Variants in LNPK observed in about 807,000 individuals in gnomAD.
The protein encoded by LNPK is endoplasmic reticulum junction formation protein lunapark.
LNPK carries 29 observed loss-of-function variants against 55.2 expected under a neutral mutation model. The observed-to-expected ratio is 0.53, with a 90% CI of 0.39 to 0.72. The LOEUF is 0.72. LNPK is among the 30% of genes least tolerant of loss of function. The pLI is 0.00. For synonymous variants in LNPK, 162 were observed against 168.2 expected, an observed-to-expected ratio of 0.96 and a Z score of 0.29; for missense variants, 467 against 494.8, an observed-to-expected ratio of 0.94 and a Z score of 0.53.
At position 175,928,321 on chromosome 2, in the gene LNPK, T is replaced by C. The variant is rs1684099238; in HGVS notation, c.*1646A>G. The C allele has an allele frequency of 6.6e-6, 1 of 152,094 alleles. No homozygotes were observed. The highest frequency in any genetic ancestry group is 2.1e-4 in the South Asian group (1 of 4,832). The allele number at this position is 152,094 out of a possible 1,614,324, so 9.4% of individuals were successfully genotyped here. ...GTAGTGTGCTAGGCACATTACATTA[T>C]TTTTAATTATCCTAATACCCTTCAA... On this transcript the variant is annotated 3_prime_UTR_variant, in exon 13 of 13. Coordinates refer to ENST00000272748, the MANE Select transcript of LNPK (RefSeq NM_030650.3).
chr2:175,995,033 T>C (rs1041766694), intron 2 of LNPK, among the ~76,000 whole-genome samples: 12 of 151,130 alleles, frequency 7.9e-5, no homozygotes, highest in Admixed American at 7.9e-4. Flanking sequence ...GCCATTCTCC[T>C]GTCTCAGCCT....
intron 5 of LNPK, among the ~76,000 whole-genome samples, chr2:175,972,420 T>A (rs1330720153): frequency 6.6e-6 from 1 of 152,108 alleles, no homozygotes. Context: ...CAAGGACCAT[T>A]TCCTTTGAGT....
chr2:175,946,963 T>C (rs551191254), intron 9 of LNPK, among the ~76,000 whole-genome samples: 245 of 152,010 alleles, frequency 1.6e-3, no homozygotes, highest in African/African-American at 5.5e-3. Context: ...GTTCATTTAA[T>C]AGAGCTTTAT....
intron 11 of LNPK, 39 bp from the exon 12 acceptor site, chr2:175,937,553 C>T: frequency 6.6e-7 from 1 of 1,508,678 alleles, no homozygotes; most frequent in Non-Finnish European, 9.1e-7. Context: ...AACCACAAAC[C>T]AAGCAAAGTT....
intron 9 of LNPK, 71 bp from the exon 10 acceptor site, chr2:175,939,728 G>A: frequency 1.4e-6 from 1 of 701,842 alleles, no homozygotes; most frequent in Non-Finnish European, 2.4e-6. Flanking sequence ...CCATTACCAA[G>A]AACTACCTAT....
chr2:175,988,020 C>T (rs1687508420), intron 4 of LNPK, among the ~76,000 whole-genome samples: 1 of 152,188 alleles, frequency 6.6e-6, no homozygotes, highest in Admixed American at 6.5e-5. Flanking sequence ...ACTAAACCTT[C>T]CTTACTTTGG....
chr2:175,971,659 A>G (rs75106428), intron 5 of LNPK, among the ~76,000 whole-genome samples: 3,286 of 152,320 alleles, frequency 0.022, 48 homozygotes, highest in Middle Eastern at 0.065. Flanking sequence ...TTATGTAAAA[A>G]TTCAAGGAAA....
intron 8 of LNPK, among the ~76,000 whole-genome samples, chr2:175,959,175 T>C (rs1685871479): frequency 6.6e-6 from 1 of 152,120 alleles, no homozygotes; most frequent in South Asian, 2.1e-4. Flanking sequence ...TTTCCCAACC[T>C]AGCAAGGTAG....
chr2:175,980,357 G>T (rs1177827460), intron 4 of LNPK, among the ~76,000 whole-genome samples: 1 of 152,130 alleles, frequency 6.6e-6, no homozygotes, highest in Admixed American at 6.5e-5. Context: ...TACTCTAAGA[G>T]ATTAAGCTAC....
At chr2:175,984,622 T>A (rs1687324165) in intron 4 of LNPK, among the ~76,000 whole-genome samples, 1 of 152,118 alleles carries the variant, frequency 6.6e-6, no homozygotes, top group South Asian at 2.1e-4. Context: ...TGAAACATCC[T>A]CAGCCATTAG....
Position 175,929,860 on chromosome 2 carries a change from C to T in LNPK, c.*107G>A, listed in dbSNP as rs978998534. The T allele has an allele frequency of 2.7e-6, 4 of 1,502,694 alleles. No homozygotes were observed. Among genetic ancestry groups the T allele is most frequent in the Non-Finnish European group, 3.5e-6 (4 of 1,126,870 alleles). 93.1% of individuals were successfully genotyped at this position (1,502,694 alleles called of 1,614,324 possible). ...CTAGGCAATCTGAATTCAAATGATA[C>T]ACAAGCATACCCTTAGAGGGGCAAA... On this transcript the variant is annotated 3_prime_UTR_variant, in exon 13 of 13. Coordinates refer to ENST00000272748, the MANE Select transcript of LNPK (RefSeq NM_030650.3).
rs1269207653 is a variant in LNPK, at chr2:175,947,686, C to T, written c.500G>A (p.Arg167His). Residue 167 changes from arginine (R) to histidine (H), a missense_variant, in exon 9 of 13, where the codon CGT (arginine) becomes CAT (histidine). Transcript: ENST00000272748. ...AVTARPGQEIRQRTAAQRNLS... is the reference protein window; with the variant it reads ...AVTARPGQEIHQRTAAQRNLS... ...GTTTCTTTGAGCTGCAGTTCGCTGA[C>T]GAATCTCTGAGAAGAGTAAGTACAT... 22 of 1,609,964 alleles carry T rather than the reference C, an allele frequency of 1.4e-5. No homozygotes were observed. Among genetic ancestry groups the T allele is most frequent in the South Asian group, 9.9e-5 (9 of 90,574 alleles).
chr2:175,954,674 A>G (rs2105589497), intron 8 of LNPK, among the ~76,000 whole-genome samples: 1 of 152,316 alleles, frequency 6.6e-6, no homozygotes, highest in African/African-American at 2.4e-5. Flanking sequence ...CCTAACTTCT[A>G]GCAATCTCAA....
chr2:175,962,738 A>C (rs1242387225), intron 8 of LNPK, among the ~76,000 whole-genome samples: 1 of 152,228 alleles, frequency 6.6e-6, no homozygotes, highest in Non-Finnish European at 1.5e-5. Context: ...TCTGCACAGC[A>C]GAAGAAACTA....
At chr2:175,954,686 A>G (rs1685603326) in intron 8 of LNPK, among the ~76,000 whole-genome samples, 1 of 152,224 alleles carries the variant, frequency 6.6e-6, no homozygotes, top group Non-Finnish European at 1.5e-5. Flanking sequence ...CAATCTCAAC[A>G]TTAAACAACA....
intron 8 of LNPK, among the ~76,000 whole-genome samples, chr2:175,960,549 C>T (rs554665526): frequency 6.6e-5 from 10 of 152,184 alleles, no homozygotes; most frequent in Non-Finnish European, 1.5e-4. Context: ...CTCTGGGACA[C>T]ATTTAAAGCA....
Position 175,939,539 on chromosome 2 carries a change from T to C in LNPK, c.812+13A>G. 7.5e-7 allele frequency: 1 copy of C among 1,342,222 alleles called. No individual in the cohort carries two copies. Among genetic ancestry groups the C allele is most frequent in the Non-Finnish European group, 1.1e-6 (1 of 935,510 alleles). The allele number at this position is 1,342,222 out of a possible 1,614,324, so 83.1% of individuals were successfully genotyped here. ...TTTCATTTTCATTTATCTACCACCT[T>C]AGTAAATATTACCTGTTTTGTGGAC... On this transcript the variant is annotated intron_variant, in intron 10 of 12. Coordinates refer to ENST00000272748, the MANE Select transcript of LNPK (RefSeq NM_030650.3).
intron 9 of LNPK, chr2:175,940,919 A>T (rs1684805385): frequency 2.2e-6 from 1 of 450,798 alleles, no homozygotes; most frequent in Non-Finnish European, 4.4e-6. Context: ...GCACACAAAA[A>T]AACTGGTGAA....
rs140369309 is a variant in LNPK at position 175,965,982 on chromosome 2, G to A, written c.358-1393C>T. On this transcript the variant is annotated intron_variant, in intron 6 of 12. Transcript: ENST00000272748. ...AATGATGAAAATGGTCTATGTCAGC[G>A]TAATAGTAGCCACTAAGCCCTATGT... Among the ~76,000 whole-genome samples the A allele has an allele frequency of 1.3e-3, 193 of 152,306 alleles. 1 individual carries two copies. Among genetic ancestry groups the A allele is most frequent in the African/African-American group, 3.9e-3 (163 of 41,568 alleles).
Sources: gnomAD v4.1 joint callset for allele counts (sites outside exome capture counted in the v4.1 genomes callset) on GRCh38, gnomAD v4.1.1 for gene constraint, MANE v1.5 for transcripts, NCBI Gene and HGNC (gene_info 2026-07-23, HGNC 2026-07-21) for gene names.